The following PPP3R1 variants were observed in gnomAD, a reference collection of about 807,000 sequenced individuals.
PPP3R1 encodes calcineurin subunit B type 1.
In PPP3R1, 5 loss-of-function variants were observed where a neutral mutation model predicts 22.6. The observed-to-expected ratio is 0.22, with a 90% CI of 0.12 to 0.46. The LOEUF (loss-of-function observed/expected upper bound fraction) is 0.46, where lower values mean the gene tolerates loss of function less well. Among genes scored for constraint, PPP3R1 ranks in the 20% least tolerant of loss-of-function variants. PPP3R1 has a pLI of 0.99. For missense variants in PPP3R1, 61 were observed against 203.2 expected (o/e 0.30, Z 4.25); for synonymous variants, 56 against 65.2 (o/e 0.86, Z 0.68).
intron 1 of PPP3R1, among the ~76,000 whole-genome samples, chr2:68,243,965 AACTT>A (rs1176985624): frequency 6.6e-6 from 1 of 152,130 alleles, no homozygotes; most frequent in Non-Finnish European, 1.5e-5. Context: ...ATAAACAAGA[AACTT>A]AATACTGGGG....
At chr2:68,234,465 G>A (rs957764725) in intron 1 of PPP3R1, among the ~76,000 whole-genome samples, 11 of 152,136 alleles carry the variant, frequency 7.2e-5, no homozygotes, top group African/African-American at 2.2e-4. Flanking sequence ...TCATAAAGCC[G>A]CAGCCATTCT....
chr2:68,192,391 G>A (rs558918194), intron 2 of PPP3R1, among the ~76,000 whole-genome samples: 2 of 152,232 alleles, frequency 1.3e-5, no homozygotes, highest in South Asian at 4.1e-4. Flanking sequence ...GACAAATCAG[G>A]ATCATTTCTT....
intron 1 of PPP3R1, among the ~76,000 whole-genome samples, chr2:68,236,095 A>G (rs1021365278): frequency 1.3e-5 from 2 of 152,300 alleles, no homozygotes; most frequent in East Asian, 1.9e-4. Flanking sequence ...TTCTTATCAG[A>G]TAACGATTTT....
chr2:68,184,076 C>T (rs1674478288), intron 5 of PPP3R1, among the ~76,000 whole-genome samples: 1 of 152,204 alleles, frequency 6.6e-6, no homozygotes, highest in Non-Finnish European at 1.5e-5. Flanking sequence ...TACCTCATCT[C>T]TGCCTCATGT....
At chr2:68,252,009 C>G in intron 1 of PPP3R1, 116 bp downstream of exon 1, 1 of 1,083,880 alleles carries the variant, frequency 9.2e-7, no homozygotes, top group Non-Finnish European at 1.2e-6. Context: ...GGGCCCGGGT[C>G]TCTGGAATTT....
intron 5 of PPP3R1, 146 bp downstream of exon 5, chr2:68,186,322 A>G (rs1674542417): frequency 1.4e-6 from 1 of 707,408 alleles, no homozygotes; most frequent in East Asian, 2.8e-5. Context: ...ATTACAATGA[A>G]GAACACATTT....
At chr2:68,251,766 T>C (rs1216812714) in intron 1 of PPP3R1, among the ~76,000 whole-genome samples, 2 of 144,928 alleles carry the variant, frequency 1.4e-5, no homozygotes, top group Non-Finnish European at 3.0e-5. Context: ...GTGCTCCACG[T>C]GGAGGAGGGT....
At chr2:68,215,757 A>G (rs1039165139) in intron 2 of PPP3R1, among the ~76,000 whole-genome samples, 8 of 152,176 alleles carry the variant, frequency 5.3e-5, no homozygotes, top group Admixed American at 3.9e-4. Context: ...AACCAAATTA[A>G]GGGAATGAAG....
chr2:68,202,406 TTTGTTGTTGTTGTTG>T lies in PPP3R1; in HGVS notation c.44-13731_44-13717del, dbSNP rs71906115. ...AGTCCTTCCTTTTCTTTTTTCGTTT[TTTGTTGTTGTTGTTG>T]TTGTTGTTGTTGTTGTTTTTTGAGA... is the stretch of plus-strand genomic sequence containing the variant. On this transcript the variant is annotated intron_variant, in intron 2 of 5. Coordinates refer to ENST00000234310, the MANE Select transcript of PPP3R1 (RefSeq NM_000945.4). Among the ~76,000 whole-genome samples, 11 of 146,238 alleles carry T rather than the reference TTTGTTGTTGTTGTTG, an allele frequency of 7.5e-5. No individual in the cohort carries two copies. In the South Asian group the frequency reaches 8.6e-4, roughly 11 times the overall value.
rs188829130 is a variant in PPP3R1, at chr2:68,231,203, G to C, written c.4-14072C>G. 2.6e-5 allele frequency among the ~76,000 whole-genome samples: 4 copies of C among 152,072 alleles called. No individual in the cohort carries two copies. In the East Asian group the frequency reaches 7.7e-4, roughly 29 times the overall value. On this transcript the variant is annotated intron_variant, in intron 1 of 5. Coordinates refer to ENST00000234310, the MANE Select transcript of PPP3R1 (RefSeq NM_000945.4). Reference sequence around the variant, plus strand: ...GTCTGTTTACTGTTGTTCAGACTGGGTAACTACTTCTGCCTGCTAGTTCAC... The same window carrying C: ...GTCTGTTTACTGTTGTTCAGACTGGCTAACTACTTCTGCCTGCTAGTTCAC...
intron 2 of PPP3R1, among the ~76,000 whole-genome samples, chr2:68,201,291 T>G (rs1674970391): frequency 6.6e-6 from 1 of 152,160 alleles, no homozygotes; most frequent in Non-Finnish European, 1.5e-5. Context: ...AAAGAATGCA[T>G]ATTTAAGAGT....
At chr2:68,189,717 A>C (rs1558627859) in intron 2 of PPP3R1, among the ~76,000 whole-genome samples, 1 of 152,046 alleles carries the variant, frequency 6.6e-6, no homozygotes, top group Non-Finnish European at 1.5e-5. Context: ...AAAAATACAA[A>C]AATAAGCCGG....
intron 1 of PPP3R1, among the ~76,000 whole-genome samples, chr2:68,219,852 A>G (rs953200502): frequency 1.3e-5 from 2 of 152,244 alleles, no homozygotes; most frequent in Non-Finnish European, 2.9e-5. Flanking sequence ...TGAAGAATTC[A>G]AACATCATGC....
intron 2 of PPP3R1, among the ~76,000 whole-genome samples, chr2:68,213,506 T>C (rs1355251389): frequency 6.6e-6 from 1 of 152,068 alleles, no homozygotes; most frequent in Admixed American, 6.6e-5. Context: ...TGCCCCAAAA[T>C]GATTACAATA....
chr2:68,191,061 T>C (rs1190132720), intron 2 of PPP3R1, among the ~76,000 whole-genome samples: 1 of 152,218 alleles, frequency 6.6e-6, no homozygotes, highest in Non-Finnish European at 1.5e-5. Flanking sequence ...CATCTGAGGT[T>C]TTCTAGAACA....
chr2:68,209,629 AT>A (rs1473947336), intron 2 of PPP3R1, among the ~76,000 whole-genome samples: 3 of 151,682 alleles, frequency 2.0e-5, no homozygotes, highest in Non-Finnish European at 4.4e-5. Flanking sequence ...GTGGTGGTAC[AT>A]GCCTGTGGTC....
intron 1 of PPP3R1, among the ~76,000 whole-genome samples, chr2:68,244,276 A>C (rs1670191847): frequency 6.6e-6 from 1 of 152,212 alleles, no homozygotes. Flanking sequence ...TCACTGACCA[A>C]CTGCTGCCTT....
intron 1 of PPP3R1, among the ~76,000 whole-genome samples, chr2:68,245,955 C>T (rs1301500375): frequency 6.6e-6 from 1 of 152,026 alleles, no homozygotes; most frequent in African/African-American, 2.4e-5. Flanking sequence ...CATAAACTCC[C>T]TTCTACCTCC....
At chr2:68,205,774 A>G (rs574602826) in intron 2 of PPP3R1, among the ~76,000 whole-genome samples, 2 of 152,258 alleles carry the variant, frequency 1.3e-5, no homozygotes, top group South Asian at 4.1e-4. Flanking sequence ...AGATTGCAGT[A>G]GACCAAGAAA....
Sources: gnomAD v4.1 joint callset for allele counts (sites outside exome capture counted in the v4.1 genomes callset) on GRCh38, gnomAD v4.1.1 for gene constraint, MANE v1.5 for transcripts, NCBI Gene and HGNC (gene_info 2026-07-23, HGNC 2026-07-21) for gene names.